The following DPP6 variants were observed in gnomAD, a reference collection of about 807,000 sequenced individuals.
DPP6 encodes A-type potassium channel modulatory protein DPP6.
A neutral mutation model predicts 122.6 loss-of-function variants in DPP6; 69 were observed. That is an observed-to-expected ratio of 0.56 (90% CI 0.46 to 0.69). The LOEUF (loss-of-function observed/expected upper bound fraction) is 0.69, where lower values mean the gene tolerates loss of function less well. DPP6 is among the 30% of genes least tolerant of loss of function. The pLI, the probability that DPP6 is intolerant of heterozygous loss-of-function variation, is 0.00. For missense variants in DPP6, 928 were observed against 1,116.9 expected (o/e 0.83, Z 2.41); for synonymous variants, 418 against 433.1 (o/e 0.97, Z 0.43).
chr7:154,267,678 A>G (rs966562531), intron 1 of DPP6, among the ~76,000 whole-genome samples: 13 of 148,912 alleles, frequency 8.7e-5, no homozygotes, highest in African/African-American at 3.2e-4. Context: ...GTGTGTGTAT[A>G]TATTTATCCC....
intron 1 of DPP6, among the ~76,000 whole-genome samples, chr7:154,177,324 A>G (rs1282209842): frequency 6.6e-6 from 1 of 152,208 alleles, no homozygotes; most frequent in Non-Finnish European, 1.5e-5. Context: ...TTTACCAATG[A>G]GATATGGTAA....
At chr7:154,783,684 A>G (rs1797165948) in intron 10 of DPP6, among the ~76,000 whole-genome samples, 1 of 152,142 alleles carries the variant, frequency 6.6e-6, no homozygotes, top group African/African-American at 2.4e-5. Flanking sequence ...TGTCCCCTCG[A>G]GAGACAGTCT....
At chr7:154,258,661 G>T (rs1802813212) in intron 1 of DPP6, among the ~76,000 whole-genome samples, 1 of 152,216 alleles carries the variant, frequency 6.6e-6, no homozygotes, top group African/African-American at 2.4e-5. Context: ...GTATCTGGGA[G>T]TGCTGGCTCC....
intron 8 of DPP6, among the ~76,000 whole-genome samples, chr7:154,738,393 T>C (rs1372349002): frequency 3.3e-5 from 5 of 152,256 alleles, no homozygotes; most frequent in Admixed American, 6.5e-5. Flanking sequence ...CTAATTGCCA[T>C]GGTGACCAGT....
At chr7:154,662,842 A>C (rs74480455) in intron 6 of DPP6, among the ~76,000 whole-genome samples, 1 of 29,178 alleles carries the variant, frequency 3.4e-5, no homozygotes. Flanking sequence ...TATAATCATG[A>C]TGAATCACCA....
At chr7:154,165,304 A>G (rs1163821585) in intron 1 of DPP6, among the ~76,000 whole-genome samples, 6 of 142,644 alleles carry the variant, frequency 4.2e-5, no homozygotes, top group Admixed American at 4.1e-4. Context: ...ATGATTTCCA[A>G]TTTCATCCAT....
intron 1 of DPP6, among the ~76,000 whole-genome samples, chr7:153,942,410 C>T (rs1801738109): frequency 6.6e-6 from 1 of 152,180 alleles, no homozygotes; most frequent in Admixed American, 6.6e-5. Flanking sequence ...GTGCCAGTTC[C>T]CTGTGAGATC....
chr7:154,843,941 T>TTTGTCTA (rs1363523241), intron 16 of DPP6, among the ~76,000 whole-genome samples: 3 of 152,268 alleles, frequency 2.0e-5, no homozygotes, highest in Admixed American at 2.0e-4. Flanking sequence ...GAGTAAATGC[T>TTTGTCTA]TTGTCTATTT....
At chr7:154,397,984 C>A (rs1236741811) in intron 1 of DPP6, among the ~76,000 whole-genome samples, 1 of 152,140 alleles carries the variant, frequency 6.6e-6, no homozygotes. Flanking sequence ...ATTTAATTTT[C>A]CCTAAAAATA....
intron 1 of DPP6, among the ~76,000 whole-genome samples, chr7:153,911,253 TC>T (rs1388319274): frequency 3.3e-5 from 5 of 152,202 alleles, no homozygotes; most frequent in Non-Finnish European, 7.4e-5. Context: ...TGCAGAGTGC[TC>T]TTCCTGTAGA....
the DPP6 span, among the ~76,000 whole-genome samples, chr7:153,869,895 C>T: frequency 6.6e-6 from 1 of 152,120 alleles, no homozygotes; most frequent in Non-Finnish European, 1.5e-5. Context: ...TATTTTATTT[C>T]TCCTTCACTT....
chr7:154,728,969 C>A (rs1842204902), intron 8 of DPP6, among the ~76,000 whole-genome samples: 1 of 152,140 alleles, frequency 6.6e-6, no homozygotes, highest in South Asian at 2.1e-4. Context: ...ATTTGGGTTT[C>A]AATATATGAA....
chr7:154,307,176 C>G (rs973686724), intron 1 of DPP6, among the ~76,000 whole-genome samples: 6 of 152,138 alleles, frequency 3.9e-5, no homozygotes, highest in African/African-American at 2.4e-5. Flanking sequence ...TACAAATTTG[C>G]TCTTATTTTG....
intron 1 of DPP6, among the ~76,000 whole-genome samples, chr7:154,232,341 G>A (rs1236019841): frequency 6.6e-6 from 1 of 152,132 alleles, no homozygotes; most frequent in Non-Finnish European, 1.5e-5. Flanking sequence ...GGCACATTTG[G>A]AAGCTCAGGG....
At chr7:153,754,165 A>G in the DPP6 span, among the ~76,000 whole-genome samples, 3 of 152,158 alleles carry the variant, frequency 2.0e-5, no homozygotes, top group Admixed American at 1.3e-4. Context: ...TATGTCTGTC[A>G]TTTTCCTTTT....
intron 1 of DPP6, among the ~76,000 whole-genome samples, chr7:154,266,073 T>C (rs1803400581): frequency 6.6e-6 from 1 of 152,160 alleles, no homozygotes; most frequent in African/African-American, 2.4e-5. Flanking sequence ...CTCCTGGAGA[T>C]CTGGTCTATG....
At chr7:154,555,454 C>CAG (rs1554584782) in intron 4 of DPP6, among the ~76,000 whole-genome samples, 4 of 151,702 alleles carry the variant, frequency 2.6e-5, no homozygotes, top group Middle Eastern at 3.4e-3. Flanking sequence ...CATCACACAC[C>CAG]GGCGACTGTT....
At chr7:154,267,881 C>T (rs942078894) in intron 1 of DPP6, among the ~76,000 whole-genome samples, 1 of 131,624 alleles carries the variant, frequency 7.6e-6, no homozygotes, top group South Asian at 2.7e-4. Context: ...ATATATTTAT[C>T]CCTTATAAAC....
chr7:154,013,348 A>G (rs1243195497), intron 1 of DPP6, among the ~76,000 whole-genome samples: 2 of 152,180 alleles, frequency 1.3e-5, no homozygotes, highest in Non-Finnish European at 2.9e-5. Flanking sequence ...GTATTTAACC[A>G]CTTTGTTGCC....
Sources: gnomAD v4.1 joint callset for allele counts (sites outside exome capture counted in the v4.1 genomes callset) on GRCh38, gnomAD v4.1.1 for gene constraint, MANE v1.5 for transcripts, NCBI Gene and HGNC (gene_info 2026-07-23, HGNC 2026-07-21) for gene names.